The following ACOT11 variants were observed in gnomAD, a reference collection of about 807,000 sequenced individuals.
The protein encoded by ACOT11 is acyl-coenzyme A thioesterase 11.
In ACOT11, 69 loss-of-function variants were observed where a neutral mutation model predicts 77.5. The observed-to-expected ratio is 0.89, with a 90% CI of 0.73 to 1.09. The LOEUF (loss-of-function observed/expected upper bound fraction) is 1.09, where lower values mean the gene tolerates loss of function less well. ACOT11 is among the 50% of genes least tolerant of loss of function. ACOT11 has a pLI of 0.00. For missense variants in ACOT11, 766 were observed against 813.7 expected (o/e 0.94, Z 0.71); for synonymous variants, 279 against 313.0 (o/e 0.89, Z 1.15).
At chr1:54,582,052 G>T (rs1654330373) in intron 1 of ACOT11, among the ~76,000 whole-genome samples, 1 of 152,230 alleles carries the variant, frequency 6.6e-6, no homozygotes, top group Admixed American at 6.5e-5. Flanking sequence ...GAGTGGTGGG[G>T]ATAGCAACTG....
At chr1:54,612,547 G>A (rs766394836), downstream of ACOT11, 11 of 1,614,062 alleles carry the variant, frequency 6.8e-6, no homozygotes, top group African/African-American at 2.7e-5. Context: ...ATGGAAGACC[G>A]TACAGGGAAG....
At chr1:54,624,371 A>C (rs532254022) in intron 15 of ACOT11, among the ~76,000 whole-genome samples, 1 of 65,420 alleles carries the variant, frequency 1.5e-5, no homozygotes, top group Admixed American at 2.1e-4. Context: ...TGAGGGGTGG[A>C]GGGGCAGGGT....
rs769776269 is a variant in ACOT11 at position 54,605,185 on chromosome 1, G to A, written c.1346G>A (p.Arg449Lys). Residue 449 changes from arginine (R) to lysine (K), a missense_variant, in exon 13 of 16, where the codon AGG becomes AAG. Arg to Lys is a conservative substitution (Grantham distance 26). Transcript: ENST00000343744. ...AFLLLSDLRQ[R>K]PEWDKHYRSV... ...CTGCTGCTCTCGGACCTGCGTCAGAGGCCAGAGTGGGACAAGCACTACCGG... is the reference window on the plus strand; with the variant it reads ...CTGCTGCTCTCGGACCTGCGTCAGAAGCCAGAGTGGGACAAGCACTACCGG... The A allele has an allele frequency of 1.2e-6, 2 of 1,613,628 alleles. No individual in the cohort carries two copies. Among genetic ancestry groups the A allele is most frequent in the South Asian group, 2.2e-5 (2 of 91,078 alleles).
exon 17 of ACOT11, chr1:54,637,969 AAG>A (rs1445071345): frequency 1.3e-5 from 2 of 152,122 alleles, no homozygotes; most frequent in Non-Finnish European, 2.9e-5. Flanking sequence ...ACCAAAGTAA[AAG>A]ATCTTATTTT....
In ACOT11 at chr1:54,584,455, C is replaced by A. The variant is rs1654425078; in HGVS notation, c.34-200C>A. Among the ~76,000 whole-genome samples the A allele has an allele frequency of 6.6e-6, 1 of 152,162 alleles. No individual in the cohort carries two copies. Among genetic ancestry groups the A allele is most frequent in the South Asian group, 2.1e-4 (1 of 4,828 alleles). Reference sequence around the variant, plus strand: ...AGTTCTTGGCCAAAAGGAAACTGGGCAGAAGCAGCAATCACAGATATCCTG... The same window carrying A: ...AGTTCTTGGCCAAAAGGAAACTGGGAAGAAGCAGCAATCACAGATATCCTG... On this transcript the variant is annotated intron_variant, in intron 1 of 15. Coordinates refer to ENST00000343744, the MANE Select transcript of ACOT11 (RefSeq NM_147161.4). This position sits in a 1 kb window ranked among gnomAD's most constrained non-coding sequence, Gnocchi z 6.3.
At chr1:54,591,052 TTC>T (rs142586476) in intron 3 of ACOT11, among the ~76,000 whole-genome samples, 16 of 150,748 alleles carry the variant, frequency 1.1e-4, no homozygotes, top group Non-Finnish European at 8.9e-5. Context: ...TATATACACT[TTC>T]TCTCTCTCTC....
chr1:54,565,308 A>T (rs1167883751), intron 1 of ACOT11, among the ~76,000 whole-genome samples: 1 of 152,134 alleles, frequency 6.6e-6, no homozygotes, highest in Non-Finnish European at 1.5e-5. Context: ...TTCTGCAGTG[A>T]GCTCTTTTCC....
chr1:54,631,311 TA>T (rs1644298644), intron 16 of ACOT11, among the ~76,000 whole-genome samples: 1 of 152,210 alleles, frequency 6.6e-6, no homozygotes, highest in Non-Finnish European at 1.5e-5. Flanking sequence ...AGGGAAGTAT[TA>T]CAGCTACATT....
intron 9 of ACOT11, 104 bp from the exon 10 acceptor site, chr1:54,602,565 A>C (rs1643976804): frequency 8.8e-7 from 1 of 1,136,856 alleles, no homozygotes; most frequent in East Asian, 3.1e-5. Context: ...GCGACACCTG[A>C]ACTCCACGTT....
downstream of ACOT11, among the ~76,000 whole-genome samples, chr1:54,611,217 T>G (rs1644114607): frequency 6.6e-6 from 1 of 152,022 alleles, no homozygotes; most frequent in Non-Finnish European, 1.5e-5. Context: ...GCGGATCACT[T>G]GAGGGCAGAA....
intron 13 of ACOT11, among the ~76,000 whole-genome samples, chr1:54,605,659 AGTTT>A (rs564449203): frequency 7.3e-4 from 111 of 152,320 alleles, no homozygotes; most frequent in African/African-American, 2.5e-3. Flanking sequence ...TAGCATGGCC[AGTTT>A]GTTGAACTTA....
intron 3 of ACOT11, among the ~76,000 whole-genome samples, chr1:54,590,554 A>G (rs1654675486): frequency 6.6e-6 from 1 of 151,852 alleles, no homozygotes; most frequent in Non-Finnish European, 1.5e-5. Flanking sequence ...AAAAATCACA[A>G]ATTCCTCTCA....
At chr1:54,617,500 C>G (rs1644185082) in intron 15 of ACOT11, among the ~76,000 whole-genome samples, 1 of 151,116 alleles carries the variant, frequency 6.6e-6, no homozygotes, top group Non-Finnish European at 1.5e-5. Context: ...CTACCCATTG[C>G]TCTAAACTTG....
chr1:54,605,058 G>T lies in ACOT11; in HGVS notation c.1237-18G>T, dbSNP rs1398729556. The T allele has an allele frequency of 1.9e-6, 3 of 1,605,162 alleles. No homozygotes were observed. Among genetic ancestry groups the T allele is most frequent in the African/African-American group, 2.7e-5 (2 of 74,742 alleles). On this transcript the variant is annotated intron_variant, in intron 12 of 15. Transcript: ENST00000343744. ...ACTCCACCACCCAGCAAATGAGGCT[G>T]CCCTCTATCCCATGCAGGTCCGCCT...
Position 54,607,723 on chromosome 1 carries a change from G to A in ACOT11, c.1503-219G>A, listed in dbSNP as rs12027962. Among the ~76,000 whole-genome samples, 40,331 of 151,886 alleles carry A rather than the reference G, an allele frequency of 0.27. 6,262 individuals carry two copies. Among genetic ancestry groups the A allele is most frequent in the East Asian group, 0.35 (1,773 of 5,122 alleles). On this transcript the variant is annotated intron_variant, in intron 14 of 15. Coordinates refer to ENST00000343744, the MANE Select transcript of ACOT11 (RefSeq NM_147161.4). The surrounding 1 kb of genome is among the most constrained non-coding windows in gnomAD (Gnocchi z 4.5). ...TCCAGAAAGTCCACAGTGAAGTCAG[G>A]TTGGCTCCTGGTGAATTCAGTGCTA... is the stretch of plus-strand genomic sequence containing the variant.
chr1:54,609,259 C>T lies in ACOT11; in HGVS notation c.*147C>T, dbSNP rs779769189. ...CCCTGAGGTCCGCTGGCCCACCACC[C>T]CTGGGTGCTCAGTTTCTACCAACAT... is the stretch of plus-strand genomic sequence containing the variant. On this transcript the variant is annotated 3_prime_UTR_variant, in exon 16 of 16. Transcript: ENST00000343744. 6.1e-5 allele frequency: 98 copies of T among 1,599,802 alleles called. No individual in the cohort carries two copies. Among genetic ancestry groups the T allele is most frequent in the Admixed American group, 1.7e-5 (1 of 59,360 alleles).
At chr1:54,604,727 G>C (rs1051081995) in intron 12 of ACOT11, among the ~76,000 whole-genome samples, 5 of 152,092 alleles carry the variant, frequency 3.3e-5, no homozygotes, top group Admixed American at 3.3e-4. Context: ...TCACTGCAGG[G>C]ATCGGGGCAG....
chr1:54,562,567 G>C (rs1296704231), intron 1 of ACOT11, among the ~76,000 whole-genome samples: 2 of 143,134 alleles, frequency 1.4e-5, no homozygotes, highest in African/African-American at 5.2e-5. Context: ...CCTCCCTCCC[G>C]GACGGGGTGG....
intron 1 of ACOT11, among the ~76,000 whole-genome samples, chr1:54,568,403 T>C (rs188132662): frequency 6.9e-6 from 1 of 145,872 alleles, no homozygotes; most frequent in Admixed American, 6.8e-5. Flanking sequence ...TTGTTCTTGT[T>C]GCCCAGGCTG....
Sources: allele counts gnomAD v4.1 joint callset (sites outside exome capture counted in the v4.1 genomes callset), GRCh38; gene constraint gnomAD v4.1.1; non-coding constraint Gnocchi (gnomAD v3.1); transcripts MANE v1.5; gene names NCBI Gene and HGNC (gene_info 2026-07-23, HGNC 2026-07-21).